UPB1: variants seen among roughly 807,000 people sequenced by gnomAD.
UPB1 encodes beta-ureidopropionase 1.
UPB1 carries 40 observed loss-of-function variants against 49.1 expected under a neutral mutation model. The ratio of observed to expected loss-of-function variants is 0.81; its 90% CI spans 0.63 to 1.06. The LOEUF (loss-of-function observed/expected upper bound fraction) is 1.06. Among genes scored for constraint, UPB1 ranks in the 50% least tolerant of loss-of-function variants. The pLI, the probability that UPB1 is intolerant of heterozygous loss-of-function variation, is 0.00. For synonymous variants in UPB1, 207 were observed against 198.2 expected (o/e 1.04, Z -0.38); for missense variants, 499 against 505.9 (o/e 0.99, Z 0.13).
At chr22:24,506,363 T>C (rs1273496726) in intron 3 of UPB1, among the ~76,000 whole-genome samples, 2 of 152,180 alleles carry the variant, frequency 1.3e-5, no homozygotes, top group Admixed American at 6.5e-5. Context: ...TCCTTGTTTA[T>C]CATACTTCCC....
intron 3 of UPB1, among the ~76,000 whole-genome samples, chr22:24,506,668 C>T (rs764398215): frequency 1.3e-5 from 2 of 152,232 alleles, no homozygotes; most frequent in Non-Finnish European, 2.9e-5. Context: ...TTTGTACTCT[C>T]ACTCTTCATT....
intron 3 of UPB1, chr22:24,502,874 G>C (rs925619344): frequency 2.1e-4 from 46 of 223,518 alleles, no homozygotes; most frequent in Non-Finnish European, 3.9e-4. Context: ...TATCCCCCCA[G>C]CCCATTTTGT....
At position 24,502,187 on chromosome 22, in the gene UPB1, ACAT is replaced by A. The variant is rs749883671; in HGVS notation, c.343_345del (p.Ile115del). 6.2e-7 allele frequency: 1 copy of A among 1,614,210 alleles called. No homozygotes were observed. The highest frequency in any genetic ancestry group is 1.1e-5 in the South Asian group (1 of 91,090). ...GAGGTGGCTGCAATGTGTGGAGTCA[ACAT>A]CATCTGTTTCCAGGAAGCATGGAGT... On this transcript the variant is annotated inframe_deletion, in exon 3 of 10. Coordinates refer to ENST00000326010, the MANE Select transcript of UPB1 (RefSeq NM_016327.3).
intron 6 of UPB1, 198 bp from the exon 7 acceptor site, chr22:24,520,189 C>T: frequency 1.6e-6 from 1 of 644,252 alleles, no homozygotes. Flanking sequence ...ACAGGCTGGC[C>T]TGGTTGCAGG....
chr22:24,510,801 T>G lies in UPB1; in HGVS notation c.417T>G (p.Ala139=). 6.2e-7 allele frequency: 1 copy of G among 1,614,190 alleles called. No homozygotes were observed. The highest frequency in any genetic ancestry group is 8.5e-7 in the Non-Finnish European group (1 of 1,180,026). ...TREKLPWTEF[A]ESAEDGPTTR... ...AGAAGCTTCCTTGGACAGAATTTGC[T>G]GAGTCAGCAGAGGATGGGCCCACCA... The change falls in exon 4 of 10, where the codon GCT becomes GCG. Residue 139 remains alanine (A), a synonymous_variant. Coordinates refer to ENST00000326010, the MANE Select transcript of UPB1 (RefSeq NM_016327.3).
chr22:24,502,750 C>G (rs2044016742), intron 3 of UPB1: 1 of 546,892 alleles, frequency 1.8e-6, no homozygotes, highest in South Asian at 2.5e-5. Flanking sequence ...GTTAGTGTTG[C>G]TACTTCCTAA....
In UPB1 at chr22:24,513,595, G is replaced by A. The variant is rs148946209; in HGVS notation, c.621+110G>A. 12 of 1,439,970 alleles carry A rather than the reference G, an allele frequency of 8.3e-6. No individual in the cohort carries two copies. The African/African-American group carries it at 1.6e-4, about 19-fold the overall frequency. 89.2% of individuals were successfully genotyped at this position (1,439,970 alleles called of 1,614,324 possible). On this transcript the variant is annotated intron_variant, in intron 5 of 9. Transcript: ENST00000326010. Reference sequence around the variant, plus strand: ...AGTTCTGTGCAGGATCATACTCCATGTCACGTACACTCCACGGGAGCACAG... The same window carrying A: ...AGTTCTGTGCAGGATCATACTCCATATCACGTACACTCCACGGGAGCACAG...
chr22:24,520,604 A>C (rs2044372521), intron 7 of UPB1, 136 bp downstream of exon 7: 1 of 972,144 alleles, frequency 1.0e-6, no homozygotes, highest in East Asian at 2.6e-5. Context: ...GTTACTTTTC[A>C]AGATATCTCT....
intron 3 of UPB1, among the ~76,000 whole-genome samples, chr22:24,510,042 G>C (rs1488486063): frequency 6.6e-6 from 1 of 152,100 alleles, no homozygotes; most frequent in Non-Finnish European, 1.5e-5. Context: ...AGACCAGCCT[G>C]ACCAACATGG....
At chr22:24,523,871 G>C in intron 9 of UPB1, 98 bp downstream of exon 9, 1 of 1,570,732 alleles carries the variant, frequency 6.4e-7, no homozygotes, top group Non-Finnish European at 8.7e-7. Flanking sequence ...GGCAGCATGA[G>C]GTACCAGCTC....
rs2044244240 is a variant in UPB1, at chr22:24,513,574, C to G, written c.621+89C>G. ...CTGTGGGACTTTCTGTGGGGAAGTTCTGTGCAGGATCATACTCCATGTCAC... is the reference window on the plus strand; with the variant it reads ...CTGTGGGACTTTCTGTGGGGAAGTTGTGTGCAGGATCATACTCCATGTCAC... On this transcript the variant is annotated intron_variant, in intron 5 of 9. Transcript: ENST00000326010. The G allele has an allele frequency of 2.0e-6, 3 of 1,528,012 alleles. No homozygotes were observed. In the African/African-American group the frequency reaches 4.1e-5, roughly 21 times the overall value. The allele number at this position is 1,528,012 out of a possible 1,614,324, so 94.7% of individuals were successfully genotyped here.
intron 8 of UPB1, among the ~76,000 whole-genome samples, chr22:24,522,544 G>A (rs1343598334): frequency 6.6e-6 from 1 of 152,056 alleles, no homozygotes; most frequent in Non-Finnish European, 1.5e-5. Context: ...GGCCAAGAAT[G>A]AGGGAGGTAG....
At chr22:24,516,310 G>A (rs746119467) in intron 6 of UPB1, among the ~76,000 whole-genome samples, 3 of 152,162 alleles carry the variant, frequency 2.0e-5, no homozygotes, top group African/African-American at 7.2e-5. Context: ...GGGTGGCCCC[G>A]GAAGCCCGAG....
chr22:24,513,674 G>GAC (rs966061080), intron 5 of UPB1, among the ~76,000 whole-genome samples, 189 bp downstream of exon 5: 22 of 152,308 alleles, frequency 1.4e-4, no homozygotes, highest in African/African-American at 5.3e-4. Context: ...CACACAGGCA[G>GAC]ACAGGATTCA....
At chr22:24,510,410 A>G (rs1033974709) in intron 3 of UPB1, among the ~76,000 whole-genome samples, 2 of 152,172 alleles carry the variant, frequency 1.3e-5, no homozygotes, top group African/African-American at 4.8e-5. Flanking sequence ...TATATACCAC[A>G]TTTTACCTAT....
At position 24,525,751 on chromosome 22, in the gene UPB1, A is replaced by G; in HGVS notation, c.1112A>G (p.Glu371Gly). The change falls in exon 10 of 10, where the codon GAA (glutamate) becomes GGA (glycine). Residue 371 changes from glutamate (E) to glycine (G), a missense_variant. Transcript: ENST00000326010. ...GAGATGTACGCACGGGAGCTCGCCG[A>G]AGCTGTCAAGTCCAACTACAGCCCC... ...RYEMYARELA[E>G]AVKSNYSPTI... 1 of 1,614,196 alleles carries G rather than the reference A, an allele frequency of 6.2e-7. No individual in the cohort carries two copies. The highest frequency in any genetic ancestry group is 8.5e-7 in the Non-Finnish European group (1 of 1,180,034).
rs750178863 is a variant in UPB1, at chr22:24,495,511, C to T, written c.104+4C>T. On this transcript the variant is annotated splice_donor_region_variant and intron_variant, in intron 1 of 9. Transcript: ENST00000326010. ...TTCTCTATGGCAAGGAACTCAGGTC[C>T]GCAGCCAAGAGGCTAAGCTAATGGG... 7.4e-6 allele frequency: 12 copies of T among 1,613,802 alleles called. No individual in the cohort carries two copies. The highest frequency in any genetic ancestry group is 9.3e-6 in the Non-Finnish European group (11 of 1,180,016).
intron 4 of UPB1, among the ~76,000 whole-genome samples, chr22:24,511,695 G>T (rs2044208568): frequency 6.7e-6 from 1 of 149,014 alleles, no homozygotes; most frequent in Non-Finnish European, 1.5e-5. Flanking sequence ...TTCACTGCAA[G>T]CTCTGCCTCC....
At chr22:24,521,956 G>A (rs1410613373) in intron 7 of UPB1, 30 bp from the exon 8 acceptor site, 1 of 1,613,618 alleles carries the variant, frequency 6.2e-7, no homozygotes, top group East Asian at 2.2e-5. Flanking sequence ...GCCACCTATA[G>A]GTTCCTCTTA....
Sources: gnomAD v4.1 joint callset for allele counts (sites outside exome capture counted in the v4.1 genomes callset) on GRCh38, gnomAD v4.1.1 for gene constraint, MANE v1.5 for transcripts, NCBI Gene and HGNC (gene_info 2026-07-23, HGNC 2026-07-21) for gene names.